The following SNTG2 variants were observed in gnomAD, a reference collection of about 807,000 sequenced individuals.
SNTG2 encodes gamma-2-syntrophin.
Under a neutral mutation model 70.9 loss-of-function variants are expected in SNTG2, and 74 were observed. The ratio of observed to expected loss-of-function variants is 1.04; its 90% CI spans 0.86 to 1.27. The LOEUF is 1.27. SNTG2 is among the 50% of genes most tolerant of loss of function. The pLI is 0.00. For synonymous variants in SNTG2, 278 were observed against 273.8 expected (o/e 1.02, Z -0.15); for missense variants, 717 against 690.7 (o/e 1.04, Z -0.43).
chr2:1,118,266 A>C (rs1478723162), intron 4 of SNTG2, among the ~76,000 whole-genome samples: 1 of 152,064 alleles, frequency 6.6e-6, no homozygotes, highest in Non-Finnish European at 1.5e-5. Flanking sequence ...TGCGCTGAGA[A>C]AGATCCCCTC....
At chr2:1,216,448 G>T (rs566306454) in intron 9 of SNTG2, among the ~76,000 whole-genome samples, 63 of 152,242 alleles carry the variant, frequency 4.1e-4, no homozygotes, top group African/African-American at 1.5e-3. Flanking sequence ...GTAGATTCTG[G>T]ATATTAGCCC....
At chr2:1,258,243 G>A (rs1211070858) in intron 12 of SNTG2, among the ~76,000 whole-genome samples, 5 of 152,186 alleles carry the variant, frequency 3.3e-5, no homozygotes, top group Non-Finnish European at 5.9e-5. Context: ...GAGAAGGGGT[G>A]CTGGAGTTCT....
At chr2:1,042,429 A>G (rs1262610355) in intron 1 of SNTG2, among the ~76,000 whole-genome samples, 2 of 151,804 alleles carry the variant, frequency 1.3e-5, no homozygotes, top group East Asian at 3.9e-4. Flanking sequence ...TAGAGGGGTA[A>G]GTTTTGTGTC....
chr2:1,261,609 G>A (rs997148201), intron 13 of SNTG2, among the ~76,000 whole-genome samples: 1 of 152,156 alleles, frequency 6.6e-6, no homozygotes, highest in African/African-American at 2.4e-5. Flanking sequence ...ACACTATGGA[G>A]CGTCCTGTGT....
chr2:1,259,495 C>A, intron 13 of SNTG2, 54 bp downstream of exon 13: 1 of 1,421,450 alleles, frequency 7.0e-7, no homozygotes, highest in Non-Finnish European at 9.9e-7. Flanking sequence ...GCCCTTTGGG[C>A]TTGCAGAATG....
At chr2:1,047,204 T>G (rs2148070187) in intron 1 of SNTG2, among the ~76,000 whole-genome samples, 1 of 152,256 alleles carries the variant, frequency 6.6e-6, no homozygotes, top group South Asian at 2.1e-4. Flanking sequence ...ATCAGATCAG[T>G]TTGGTTCTTT....
intron 1 of SNTG2, among the ~76,000 whole-genome samples, chr2:1,020,395 A>G (rs1660095951): frequency 6.6e-6 from 1 of 152,180 alleles, no homozygotes; most frequent in African/African-American, 2.4e-5. Flanking sequence ...GGAACCACTT[A>G]CAACCATCAG....
At chr2:1,194,002 T>A (rs1672753558) in intron 8 of SNTG2, among the ~76,000 whole-genome samples, 1 of 152,184 alleles carries the variant, frequency 6.6e-6, no homozygotes, top group Non-Finnish European at 1.5e-5. Context: ...CTGTCTCCCA[T>A]CCCCAGGCCC....
At chr2:1,006,549 A>G (rs1173476034) in intron 1 of SNTG2, among the ~76,000 whole-genome samples, 1 of 152,106 alleles carries the variant, frequency 6.6e-6, no homozygotes, top group African/African-American at 2.4e-5. Context: ...ACTTTTCTGT[A>G]TAGACTTGGC....
chr2:956,055 G>GCACCTC (rs1660132799), intron 1 of SNTG2, among the ~76,000 whole-genome samples: 1 of 60,942 alleles, frequency 1.6e-5, no homozygotes. Context: ...CCCTGCCCCT[G>GCACCTC]CCCCTACCCC....
At chr2:965,344 C>T (rs1257877654) in intron 1 of SNTG2, among the ~76,000 whole-genome samples, 1 of 122,092 alleles carries the variant, frequency 8.2e-6, no homozygotes, top group Non-Finnish European at 1.8e-5. Context: ...TCCTCCTGGT[C>T]CCCAGTCCTC....
intron 4 of SNTG2, among the ~76,000 whole-genome samples, chr2:1,100,281 C>T (rs1246242323): frequency 6.6e-6 from 1 of 152,090 alleles, no homozygotes; most frequent in African/African-American, 2.4e-5. Context: ...ATTCTTCTGC[C>T]TCAGCCTCCC....
intron 9 of SNTG2, among the ~76,000 whole-genome samples, chr2:1,235,415 C>A (rs1676564142): frequency 7.5e-6 from 1 of 134,078 alleles, no homozygotes; most frequent in African/African-American, 2.9e-5. Flanking sequence ...CTGCAGGCCC[C>A]ACCAGGCACC....
chr2:1,128,747 G>A (rs750894002), intron 4 of SNTG2, among the ~76,000 whole-genome samples: 1 of 151,910 alleles, frequency 6.6e-6, no homozygotes, highest in Non-Finnish European at 1.5e-5. Flanking sequence ...TTGTGGACAG[G>A]TTCTGCACTG....
rs1206042294 is a variant in SNTG2, at chr2:1,098,333, C to T, written c.268-20C>T. The T allele has an allele frequency of 1.9e-6, 3 of 1,613,798 alleles. No homozygotes were observed. In the African/African-American group the frequency reaches 4.0e-5, roughly 22 times the overall value. ...TGAATCATGATAACCACGTTTCTTT[C>T]TGATGGCTTTGTCTTTCAGGGAGGT... On this transcript the variant is annotated intron_variant, in intron 3 of 16. Transcript: ENST00000308624.
At chr2:1,057,827 T>TG (rs60689962) in intron 1 of SNTG2, among the ~76,000 whole-genome samples, 29,749 of 151,908 alleles carry the variant, frequency 0.2, 3,592 homozygotes, top group East Asian at 0.5. Flanking sequence ...AAAGTTGCAT[T>TG]TCAAAAAAAT....
intron 8 of SNTG2, among the ~76,000 whole-genome samples, chr2:1,189,101 C>A (rs1394505854): frequency 1.3e-5 from 2 of 151,914 alleles, no homozygotes; most frequent in African/African-American, 4.8e-5. Context: ...AATGAGAGAT[C>A]AACAATGTGA....
chr2:1,154,585 C>G (rs555433444), intron 6 of SNTG2, among the ~76,000 whole-genome samples: 1 of 152,252 alleles, frequency 6.6e-6, no homozygotes, highest in South Asian at 2.1e-4. Context: ...GGAGCACCTG[C>G]AGCAGCGTGA....
At chr2:1,179,856 T>C (rs1572659545) in intron 8 of SNTG2, among the ~76,000 whole-genome samples, 1 of 142,808 alleles carries the variant, frequency 7.0e-6, no homozygotes, top group Non-Finnish European at 1.5e-5. Flanking sequence ...ATGGTACTGG[T>C]ACCAAAACAG....
Sources: allele counts gnomAD v4.1 joint callset (sites outside exome capture counted in the v4.1 genomes callset), GRCh38; gene constraint gnomAD v4.1.1; transcripts MANE v1.5; gene names NCBI Gene and HGNC (gene_info 2026-07-23, HGNC 2026-07-21).